MGAT5B: variants seen among roughly 807,000 people sequenced by gnomAD.
MGAT5B encodes the protein N-acetylglucosaminyl-transferase Vb.
In MGAT5B, 54 loss-of-function variants were observed where a neutral mutation model predicts 95.1. That is an observed-to-expected ratio of 0.57 (90% CI 0.46 to 0.71). The LOEUF is 0.71. Among genes scored for constraint, MGAT5B ranks in the 30% least tolerant of loss-of-function variants. MGAT5B has a pLI of 0.00. For missense variants in MGAT5B, 935 were observed against 1,088.6 expected, an observed-to-expected ratio of 0.86 and a Z score of 1.99; for synonymous variants, 464 against 451.0, an observed-to-expected ratio of 1.03 and a Z score of -0.36.
chr17:76,920,595 A>T (rs1300728786), intron 8 of MGAT5B, among the ~76,000 whole-genome samples: 1 of 152,168 alleles, frequency 6.6e-6, no homozygotes, highest in Admixed American at 6.5e-5. Context: ...GCCGCTGCAG[A>T]CACCTCCAGG....
At chr17:76,939,025 T>TGGG (rs112555397) in intron 13 of MGAT5B, among the ~76,000 whole-genome samples, 3,166 of 128,714 alleles carry the variant, frequency 0.025, 118 homozygotes, top group East Asian at 0.15. Context: ...CAAGGCATCT[T>TGGG]GGGGGTGTGT....
At chr17:76,942,300 G>A (rs148637306) in intron 15 of MGAT5B, among the ~76,000 whole-genome samples, 1 of 152,314 alleles carries the variant, frequency 6.6e-6, no homozygotes, top group East Asian at 1.9e-4. Flanking sequence ...GGCCGAAGCG[G>A]GCGGATCACT....
At chr17:76,909,936 C>A (rs1379649322) in intron 8 of MGAT5B, among the ~76,000 whole-genome samples, 2 of 152,096 alleles carry the variant, frequency 1.3e-5, no homozygotes, top group Non-Finnish European at 2.9e-5. Flanking sequence ...GGCTATGGGG[C>A]AGAGGCAGGT....
chr17:76,935,373 G>A (rs557931694), intron 12 of MGAT5B, among the ~76,000 whole-genome samples: 1 of 105,116 alleles, frequency 9.5e-6, no homozygotes, highest in East Asian at 2.9e-4. Context: ...CTGGGTAAAT[G>A]CCCAAGAATA....
At chr17:76,883,557 G>A (rs1967510308) in intron 3 of MGAT5B, among the ~76,000 whole-genome samples, 1 of 152,158 alleles carries the variant, frequency 6.6e-6, no homozygotes, top group African/African-American at 2.4e-5. Context: ...CAGGAGTGCG[G>A]GAGGTCAGGC....
chr17:76,904,465 C>T, intron 6 of MGAT5B, 43 bp downstream of exon 6: 1 of 1,531,224 alleles, frequency 6.5e-7, no homozygotes, highest in Non-Finnish European at 8.8e-7. Flanking sequence ...GCTGGTGTGG[C>T]TGGACATTCT....
At chr17:76,891,448 C>T (rs970938375) in intron 3 of MGAT5B, among the ~76,000 whole-genome samples, 4 of 152,050 alleles carry the variant, frequency 2.6e-5, no homozygotes, top group Non-Finnish European at 2.9e-5. Flanking sequence ...GGTACAATCT[C>T]GGCTCACTAC....
chr17:76,947,103 G>A (rs8067985), intron 16 of MGAT5B, among the ~76,000 whole-genome samples: 96,693 of 152,134 alleles, frequency 0.64, 31,062 homozygotes, highest in South Asian at 0.74. Flanking sequence ...CAGATGGAGC[G>A]TGGCTCTGCA....
At chr17:76,886,038 G>A (rs1319444422) in intron 3 of MGAT5B, among the ~76,000 whole-genome samples, 1 of 152,212 alleles carries the variant, frequency 6.6e-6, no homozygotes, top group Non-Finnish European at 1.5e-5. Context: ...TTTCCTCAGG[G>A]AAAGTAAATT....
chr17:76,939,029 G>GTGTGTGT (rs1555600423), intron 13 of MGAT5B, among the ~76,000 whole-genome samples: 26 of 128,258 alleles, frequency 2.0e-4, no homozygotes, highest in African/African-American at 4.9e-4. Flanking sequence ...GCATCTTGGG[G>GTGTGTGT]GTGTGTGTGT....
intron 12 of MGAT5B, among the ~76,000 whole-genome samples, chr17:76,933,942 A>G (rs558121464): frequency 2.6e-5 from 4 of 152,266 alleles, no homozygotes; most frequent in Non-Finnish European, 5.9e-5. Flanking sequence ...CATCCCAGCC[A>G]ACAAGGAGAA....
intron 3 of MGAT5B, among the ~76,000 whole-genome samples, chr17:76,899,945 TGTG>T (rs1968244963): frequency 6.6e-6 from 1 of 152,200 alleles, no homozygotes; most frequent in South Asian, 2.1e-4. Context: ...CCCAAGTCCC[TGTG>T]GCTGCTGCTT....
At position 76,949,905 on chromosome 17, in the gene MGAT5B, A is replaced by T. The variant is rs1167175146; in HGVS notation, c.*1067A>T. On this transcript the variant is annotated 3_prime_UTR_variant, in exon 18 of 18. Coordinates refer to ENST00000569840, the MANE Select transcript of MGAT5B (RefSeq NM_001199172.2). Reference sequence around the variant, plus strand: ...ACCCTAGGTAGCCCCCCACCCCATCAGTGCCGAGTCCTTGTCCCTACCTCC... The same window carrying T: ...ACCCTAGGTAGCCCCCCACCCCATCTGTGCCGAGTCCTTGTCCCTACCTCC... 1 of 143,198 alleles carries T rather than the reference A, an allele frequency of 7.0e-6. No homozygotes were observed. Among genetic ancestry groups the T allele is most frequent in the Admixed American group, 7.0e-5 (1 of 14,216 alleles). The allele number at this position is 143,198 out of a possible 1,614,324, so 8.9% of individuals were successfully genotyped here. A position where few individuals can be genotyped will look rare whatever the true frequency, so the allele number is the denominator to read the frequency against.
intron 12 of MGAT5B, among the ~76,000 whole-genome samples, chr17:76,935,468 A>G (rs545079733): frequency 3.1e-4 from 21 of 67,256 alleles, no homozygotes; most frequent in African/African-American, 5.5e-4. Flanking sequence ...AAATTCATCA[A>G]TGCTTGGGAT....
In MGAT5B at chr17:76,869,965, G is replaced by A. The variant is rs1298140221; in HGVS notation, c.68+868G>A. On this transcript the variant is annotated intron_variant, in intron 1 of 17. Transcript: ENST00000569840. The surrounding 1 kb of genome is among the most constrained non-coding windows in gnomAD (Gnocchi z 7.0). Reference sequence around the variant, plus strand: ...CGGGGTGGGGAGGGGGCGCTGCCCAGTGGACGCCCGGCGGGGCCCGAGTGT... The same window carrying A: ...CGGGGTGGGGAGGGGGCGCTGCCCAATGGACGCCCGGCGGGGCCCGAGTGT... 6.6e-6 allele frequency among the ~76,000 whole-genome samples: 1 copy of A among 152,182 alleles called. No individual in the cohort carries two copies. Among genetic ancestry groups the A allele is most frequent in the Non-Finnish European group, 1.5e-5 (1 of 68,008 alleles).
Position 76,868,612 on chromosome 17 carries a change from G to C in MGAT5B, c.-418G>C, listed in dbSNP as rs550359122. On this transcript the variant is annotated 5_prime_UTR_variant, in exon 1 of 18. Transcript: ENST00000569840. This position sits in a 1 kb window ranked among gnomAD's most constrained non-coding sequence, Gnocchi z 6.3. ...CGGAGGCGCTGGGGACCGGGGCGCG[G>C]GCCCGGGGCCGCCTTTAGCCGGCAC... The C allele has an allele frequency of 1.4e-5, 2 of 147,494 alleles. No individual in the cohort carries two copies. Among genetic ancestry groups the C allele is most frequent in the African/African-American group, 4.9e-5 (2 of 40,996 alleles). The allele number at this position is 147,494 out of a possible 1,614,324, so 9.1% of individuals were successfully genotyped here. A position where few individuals can be genotyped will look rare whatever the true frequency, so the allele number is the denominator to read the frequency against.
Position 76,940,389 on chromosome 17 carries a change from C to A in MGAT5B, c.1585-13C>A. The A allele has an allele frequency of 6.3e-7, 1 of 1,590,128 alleles. No individual in the cohort carries two copies. Among genetic ancestry groups the A allele is most frequent in the Non-Finnish European group, 8.6e-7 (1 of 1,167,222 alleles). On this transcript the variant is annotated splice_polypyrimidine_tract_variant and intron_variant, in intron 13 of 17. Coordinates refer to ENST00000569840, the MANE Select transcript of MGAT5B (RefSeq NM_001199172.2). The surrounding 1 kb of genome is among the most constrained non-coding windows in gnomAD (Gnocchi z 4.3). ...CCAGCCCTCCCTGATCACTGCGCCC[C>A]TTGACTCTGCAGCTCTTCATCGGGT... is the stretch of plus-strand genomic sequence containing the variant.
rs762397130 is a variant in MGAT5B at position 76,882,260 on chromosome 17, G to A, written c.291G>A (p.Leu97=). 1.9e-6 allele frequency: 3 copies of A among 1,613,318 alleles called. No individual in the cohort carries two copies. Among genetic ancestry groups the A allele is most frequent in the Non-Finnish European group, 1.7e-6 (2 of 1,179,802 alleles). ...ALARLENSSE[L]HRAGGDLHFP... ...CCAGGCTGGAGAACAGCAGTGAGCT[G>A]CACCGGGCCGGCGGCGACCTGCACT... is the stretch of plus-strand genomic sequence containing the variant. The change falls in exon 3 of 18, where the codon CTG becomes CTA. Residue 97 remains leucine (L), a synonymous_variant. Transcript: ENST00000569840.
Position 76,902,671 on chromosome 17 carries a change from G to T in MGAT5B, c.445+1G>T. 6.3e-7 allele frequency: 1 copy of T among 1,577,628 alleles called. No individual in the cohort carries two copies. Among genetic ancestry groups the T allele is most frequent in the Non-Finnish European group, 8.6e-7 (1 of 1,160,400 alleles). On this transcript the variant is annotated splice_donor_variant, in intron 4 of 17. Coordinates refer to ENST00000569840, the MANE Select transcript of MGAT5B (RefSeq NM_001199172.2). LOFTEE classifies it high-confidence loss of function. ...CACAGTCTGCTCCTGCACAGCAAGG[G>T]TGGGTGCCAGGGGGCGGGGGTACCC...
Sources: allele counts gnomAD v4.1 joint callset (sites outside exome capture counted in the v4.1 genomes callset), GRCh38; gene constraint gnomAD v4.1.1; non-coding constraint Gnocchi (gnomAD v3.1); transcripts MANE v1.5; gene names NCBI Gene and HGNC (gene_info 2026-07-23, HGNC 2026-07-21).